TRPC6: variants seen among roughly 807,000 people sequenced by gnomAD.
The protein encoded by TRPC6 is short transient receptor potential channel 6.
TRPC6 carries 55 observed loss-of-function variants against 90.7 expected under a neutral mutation model. That is an observed-to-expected ratio of 0.61 (90% CI 0.49 to 0.76). The LOEUF (loss-of-function observed/expected upper bound fraction) is 0.76. Ranked by LOEUF, TRPC6 falls within the 30% of genes least tolerant of loss-of-function variation. The probability of loss-of-function intolerance (pLI) is 0.00; values close to 1 mark genes in which losing one functional copy is unlikely to be tolerated. For missense variants in TRPC6, 989 were observed against 1,122.7 expected, an observed-to-expected ratio of 0.88 and a Z score of 1.70; for synonymous variants, 393 against 393.0, an observed-to-expected ratio of 1.00 and a Z score of 0.00.
At chr11:101,544,572 C>T (rs149765760) in intron 1 of TRPC6, among the ~76,000 whole-genome samples, 1,525 of 152,212 alleles carry the variant, frequency 0.01, 24 homozygotes, top group African/African-American at 0.035. Flanking sequence ...GAGTTCATGT[C>T]CTTTGCAGGG....
At chr11:101,506,945 G>C (rs1860282432) in intron 1 of TRPC6, among the ~76,000 whole-genome samples, 2 of 149,656 alleles carry the variant, frequency 1.3e-5, no homozygotes, top group African/African-American at 4.9e-5. Context: ...GATTTTTCAG[G>C]TTTGGCATTA....
At chr11:101,520,898 T>C (rs564837816) in intron 1 of TRPC6, among the ~76,000 whole-genome samples, 1 of 152,264 alleles carries the variant, frequency 6.6e-6, no homozygotes, top group African/African-American at 2.4e-5. Context: ...GCATTCAAGA[T>C]GTAGCCTGGC....
chr11:101,473,803 T>G, intron 6 of TRPC6, 30 bp from the exon 7 acceptor site: 1 of 1,612,952 alleles, frequency 6.2e-7, no homozygotes, highest in Non-Finnish European at 8.5e-7. Flanking sequence ...AAGAGTTGTG[T>G]GAGTTTCTTC....
chr11:101,488,716 C>T (rs1298466117), intron 4 of TRPC6, among the ~76,000 whole-genome samples: 5 of 151,750 alleles, frequency 3.3e-5, no homozygotes, highest in Non-Finnish European at 5.9e-5. Flanking sequence ...TTATCTTTTC[C>T]GTTTTTTTTG....
intron 1 of TRPC6, among the ~76,000 whole-genome samples, chr11:101,510,114 T>G (rs1565223980): frequency 6.6e-6 from 1 of 152,154 alleles, no homozygotes; most frequent in Non-Finnish European, 1.5e-5. Flanking sequence ...TCTCCTTATC[T>G]TTCTTAACTG....
At chr11:101,577,195 C>A (rs1209623105) in intron 1 of TRPC6, among the ~76,000 whole-genome samples, 2 of 152,070 alleles carry the variant, frequency 1.3e-5, no homozygotes, top group East Asian at 3.9e-4. Context: ...GTTATAGATG[C>A]CATTTCAAAG....
chr11:101,551,900 A>G (rs961038269), intron 1 of TRPC6, among the ~76,000 whole-genome samples: 2 of 152,120 alleles, frequency 1.3e-5, no homozygotes, highest in Admixed American at 1.3e-4. Context: ...CTGTAACACA[A>G]CTCACTGTTA....
At chr11:101,497,654 A>C (rs182068112) in intron 2 of TRPC6, among the ~76,000 whole-genome samples, 134 of 152,308 alleles carry the variant, frequency 8.8e-4, no homozygotes, top group African/African-American at 3.1e-3. Flanking sequence ...AGAATGACAG[A>C]GAAGAGGACA....
chr11:101,459,939 T>C (rs2136647096), intron 10 of TRPC6, among the ~76,000 whole-genome samples: 1 of 152,264 alleles, frequency 6.6e-6, no homozygotes, highest in East Asian at 1.9e-4. Flanking sequence ...GTGTGATGGG[T>C]TGTACAACTT....
At chr11:101,559,775 C>A (rs1166385533) in intron 1 of TRPC6, among the ~76,000 whole-genome samples, 12 of 105,252 alleles carry the variant, frequency 1.1e-4, no homozygotes, top group Admixed American at 6.2e-4. Context: ...CTAATGCTAT[C>A]CCTCCCCCCT....
At chr11:101,556,775 C>A (rs1861569143) in intron 1 of TRPC6, among the ~76,000 whole-genome samples, 1 of 152,086 alleles carries the variant, frequency 6.6e-6, no homozygotes, top group African/African-American at 2.4e-5. Flanking sequence ...TAGGCCAGTA[C>A]CCTCAATGAA....
chr11:101,478,305 A>C (rs1859461079), intron 5 of TRPC6, among the ~76,000 whole-genome samples: 1 of 152,168 alleles, frequency 6.6e-6, no homozygotes, highest in African/African-American at 2.4e-5. Flanking sequence ...GATTGAATTC[A>C]TATATAATCT....
intron 5 of TRPC6, among the ~76,000 whole-genome samples, chr11:101,482,052 T>C (rs1346564051): frequency 3.3e-5 from 5 of 152,336 alleles, no homozygotes; most frequent in Non-Finnish European, 5.9e-5. Context: ...GAAGGGCTTC[T>C]TGCCCCTTCC....
At chr11:101,544,627 G>A (rs573003771) in intron 1 of TRPC6, among the ~76,000 whole-genome samples, 1 of 152,032 alleles carries the variant, frequency 6.6e-6, no homozygotes, top group East Asian at 1.9e-4. Flanking sequence ...AACTAACACA[G>A]GAACAGAAAA....
At chr11:101,547,215 A>G (rs186997005) in intron 1 of TRPC6, among the ~76,000 whole-genome samples, 1 of 152,272 alleles carries the variant, frequency 6.6e-6, no homozygotes, top group Admixed American at 6.5e-5. Flanking sequence ...TCTCCCAATA[A>G]AGAATGAGAA....
intron 10 of TRPC6, among the ~76,000 whole-genome samples, chr11:101,465,452 G>A (rs953463833): frequency 6.6e-5 from 10 of 151,988 alleles, no homozygotes; most frequent in Admixed American, 1.3e-4. Flanking sequence ...GTCTTTCCAC[G>A]TAGTCCCATA....
At chr11:101,478,550 T>C (rs1014005558) in intron 5 of TRPC6, among the ~76,000 whole-genome samples, 1 of 152,148 alleles carries the variant, frequency 6.6e-6, no homozygotes, top group Non-Finnish European at 1.5e-5. Context: ...AAATGATGTC[T>C]TCCTGAAGCT....
chr11:101,488,257 C>T (rs1859722820), intron 4 of TRPC6, among the ~76,000 whole-genome samples: 1 of 152,204 alleles, frequency 6.6e-6, no homozygotes, highest in African/African-American at 2.4e-5. Flanking sequence ...CAATATTTCT[C>T]AAACCTATCC....
intron 2 of TRPC6, among the ~76,000 whole-genome samples, chr11:101,501,577 G>T (rs1860127001): frequency 6.6e-6 from 1 of 152,084 alleles, no homozygotes; most frequent in Non-Finnish European, 1.5e-5. Context: ...GGTGGTGGGG[G>T]AATGTTATTT....
Sources: allele counts gnomAD v4.1 joint callset (sites outside exome capture counted in the v4.1 genomes callset), GRCh38; gene constraint gnomAD v4.1.1; transcripts MANE v1.5; gene names NCBI Gene and HGNC (gene_info 2026-07-23, HGNC 2026-07-21).